EXPH5: variants seen among roughly 807,000 people sequenced by gnomAD.
EXPH5 encodes the protein exophilin-5.
Under a neutral mutation model 41.1 loss-of-function variants are expected in EXPH5, and 42 were observed. The ratio of observed to expected loss-of-function variants is 1.02; its 90% CI spans 0.80 to 1.32. The LOEUF (loss-of-function observed/expected upper bound fraction) is 1.32. Among genes scored for constraint, EXPH5 ranks in the 40% most tolerant of loss-of-function variants. The pLI is 0.00. For synonymous variants in EXPH5, 798 were observed against 833.5 expected, an observed-to-expected ratio of 0.96 and a Z score of 0.73; for missense variants, 2,298 against 2,314.5, an observed-to-expected ratio of 0.99 and a Z score of 0.15.
At position 108,516,225 on chromosome 11, in the gene EXPH5, A is replaced by G. The variant is rs368029455; in HGVS notation, c.632-1350T>C. ...TAATGATGACTTTTCTCTCGGTAGC[A>G]AAGTCAGGGAGTGGTGTCAAAGTCA... On this transcript the variant is annotated intron_variant, in intron 5 of 5. Coordinates refer to ENST00000265843, the MANE Select transcript of EXPH5 (RefSeq NM_015065.3). 2.1e-4 allele frequency among the ~76,000 whole-genome samples: 32 copies of G among 152,324 alleles called. 1 individual carries two copies. In the East Asian group the frequency reaches 5.8e-3, roughly 28 times the overall value.
chr11:108,574,999 T>A (rs180857527), intron 1 of EXPH5, among the ~76,000 whole-genome samples: 93 of 152,340 alleles, frequency 6.1e-4, no homozygotes, highest in Non-Finnish European at 7.6e-4. Flanking sequence ...TATTCTTATG[T>A]CAGAAAAATG....
In EXPH5 at chr11:108,513,550, A is replaced by G; in HGVS notation, c.1957T>C (p.Leu653=). The G allele has an allele frequency of 6.2e-7, 1 of 1,614,222 alleles. No individual in the cohort carries two copies. The part of the protein sequence containing the change: ...SPNLQNPTVT[L]QKIFPNKPAS... ...GGCTTATTTGGAAAAATTTTCTGCA[A>G]AGTGACTGTGGGATTCTGCAAGTTG... The change falls in exon 6 of 6, where the codon TTG becomes CTG. Residue 653 remains leucine, a synonymous_variant. Coordinates refer to ENST00000265843, the MANE Select transcript of EXPH5 (RefSeq NM_015065.3).
rs117743370 is a variant in EXPH5, at chr11:108,568,514, C to G, written c.119+24904G>C. On this transcript the variant is annotated intron_variant, in intron 1 of 5. Coordinates refer to ENST00000265843, the MANE Select transcript of EXPH5 (RefSeq NM_015065.3). Reference sequence around the variant, plus strand: ...CTTTGAAATCTGTCCACACCTCCCCCCAACCCCCAGTCTTGGTCACAGGCC... The same window carrying G: ...CTTTGAAATCTGTCCACACCTCCCCGCAACCCCCAGTCTTGGTCACAGGCC... Among the ~76,000 whole-genome samples the G allele has an allele frequency of 1.2e-4, 19 of 152,278 alleles. No individual in the cohort carries two copies. In the East Asian group the frequency reaches 2.7e-3, roughly 22 times the overall value.
intron 1 of EXPH5, among the ~76,000 whole-genome samples, chr11:108,573,793 A>C (rs1293466732): frequency 6.6e-6 from 1 of 152,256 alleles, no homozygotes; most frequent in Non-Finnish European, 1.5e-5. Context: ...GAGTATTCTC[A>C]TCTTAAAAAC....
the EXPH5 span, among the ~76,000 whole-genome samples, chr11:108,603,845 G>C: frequency 6.6e-6 from 1 of 152,116 alleles, no homozygotes; most frequent in Non-Finnish European, 1.5e-5. Flanking sequence ...ACAATGATAA[G>C]GTGCAAGGCT....
At chr11:108,530,153 A>G (rs2093827838) in intron 3 of EXPH5, among the ~76,000 whole-genome samples, 3 of 152,242 alleles carry the variant, frequency 2.0e-5, no homozygotes, top group Admixed American at 2.0e-4. Context: ...ATTTTTCCAT[A>G]TAACTCTGAA....
At chr11:108,526,955 G>A (rs960882428) in intron 4 of EXPH5, among the ~76,000 whole-genome samples, 1 of 152,146 alleles carries the variant, frequency 6.6e-6, no homozygotes, top group Admixed American at 6.5e-5. Flanking sequence ...TGGTGTCATG[G>A]TTGGGGCTGA....
chr11:108,555,751 C>T (rs1412963566), intron 1 of EXPH5, among the ~76,000 whole-genome samples: 1 of 152,148 alleles, frequency 6.6e-6, no homozygotes, highest in South Asian at 2.1e-4. Context: ...AGGGGTTTAT[C>T]TCACTTCACT....
Position 108,528,277 on chromosome 11 carries a change from A to G in EXPH5, c.444-93T>C, listed in dbSNP as rs1262475714. Reference sequence around the variant, plus strand: ...AGCACATTTGCCATAAGATTTTGACACCTTGAGAAGATCTATTTCTAATTC... The same window carrying G: ...AGCACATTTGCCATAAGATTTTGACGCCTTGAGAAGATCTATTTCTAATTC... On this transcript the variant is annotated intron_variant, in intron 3 of 5. Transcript: ENST00000265843. 3 of 816,078 alleles carry G rather than the reference A, an allele frequency of 3.7e-6. No individual in the cohort carries two copies. The Admixed American group carries it at 5.8e-5, about 16-fold the overall frequency. 50.6% of individuals were successfully genotyped at this position (816,078 alleles called of 1,614,324 possible).
chr11:108,519,054 C>A (rs1457250611), intron 4 of EXPH5, among the ~76,000 whole-genome samples: 1 of 152,212 alleles, frequency 6.6e-6, no homozygotes, highest in Non-Finnish European at 1.5e-5. Context: ...ACCCTTGGGG[C>A]TGCTCTATGA....
chr11:108,596,192 CA>C (rs371605941), upstream of EXPH5, among the ~76,000 whole-genome samples: 134 of 144,080 alleles, frequency 9.3e-4, 1 homozygote, highest in African/African-American at 3.0e-3. Flanking sequence ...GAGACTCTGT[CA>C]AAAAAAAAAA....
chr11:108,556,398 A>G (rs980521454), intron 1 of EXPH5, among the ~76,000 whole-genome samples: 17 of 151,806 alleles, frequency 1.1e-4, no homozygotes, highest in African/African-American at 3.2e-4. Context: ...GGTGTGATCT[A>G]TTGGGACCTA....
intron 2 of EXPH5, among the ~76,000 whole-genome samples, chr11:108,540,102 C>G (rs2093904385): frequency 6.6e-6 from 1 of 151,978 alleles, no homozygotes; most frequent in Non-Finnish European, 1.5e-5. Context: ...CGGTGCATCA[C>G]CTGAGATCAA....
intron 1 of EXPH5, among the ~76,000 whole-genome samples, chr11:108,544,900 G>A (rs1244419016): frequency 6.6e-6 from 1 of 151,942 alleles, no homozygotes; most frequent in Non-Finnish European, 1.5e-5. Context: ...TCTATTTTTA[G>A]CTTATTTTAT....
intron 1 of EXPH5, among the ~76,000 whole-genome samples, chr11:108,545,816 T>A (rs1565813271): frequency 6.6e-6 from 1 of 151,654 alleles, no homozygotes; most frequent in Non-Finnish European, 1.5e-5. Context: ...GGCAGGAGGA[T>A]CCCTTGAGCC....
chr11:108,524,999 C>G (rs756581568), intron 4 of EXPH5, among the ~76,000 whole-genome samples: 1 of 152,142 alleles, frequency 6.6e-6, no homozygotes, highest in Non-Finnish European at 1.5e-5. Context: ...GACTGAATCA[C>G]GGGGGCGGTT....
intron 1 of EXPH5, among the ~76,000 whole-genome samples, chr11:108,573,414 G>A (rs2094069694): frequency 6.6e-6 from 1 of 151,970 alleles, no homozygotes; most frequent in Non-Finnish European, 1.5e-5. Flanking sequence ...AATGGGAAGA[G>A]GAAAAAAACT....
the EXPH5 span, among the ~76,000 whole-genome samples, chr11:108,604,729 A>G: frequency 5.9e-5 from 9 of 152,266 alleles, no homozygotes; most frequent in Admixed American, 1.3e-4. Context: ...GAGAATGCCA[A>G]TGCCTGAGGG....
chr11:108,533,442 A>T (rs2093857132), intron 3 of EXPH5, among the ~76,000 whole-genome samples: 1 of 152,190 alleles, frequency 6.6e-6, no homozygotes, highest in Admixed American at 6.5e-5. Context: ...TGACCTCGTG[A>T]TCCACCTGCC....
Sources: gnomAD v4.1 joint callset for allele counts (sites outside exome capture counted in the v4.1 genomes callset) on GRCh38, gnomAD v4.1.1 for gene constraint, MANE v1.5 for transcripts, NCBI Gene and HGNC (gene_info 2026-07-23, HGNC 2026-07-21) for gene names.